The following ERC1 variants were observed in gnomAD, a reference collection of about 807,000 sequenced individuals.
ERC1 encodes the protein ELKS/RAB6-interacting/CAST family member 1.
ERC1 carries 56 observed loss-of-function variants against 132.0 expected under a neutral mutation model. The observed-to-expected ratio is 0.42, with a 90% CI of 0.34 to 0.53. ERC1 has a LOEUF of 0.53. ERC1 is among the 20% of genes least tolerant of loss of function. The pLI is 0.03. For missense variants in ERC1, 1,202 were observed against 1,349.9 expected, an observed-to-expected ratio of 0.89 and a Z score of 1.72; for synonymous variants, 478 against 476.1, an observed-to-expected ratio of 1.00 and a Z score of -0.05.
At chr12:1,265,675 A>G (rs1207566127) in intron 14 of ERC1, among the ~76,000 whole-genome samples, 1 of 152,194 alleles carries the variant, frequency 6.6e-6, no homozygotes, top group Admixed American at 6.5e-5. Context: ...TTACAGTATT[A>G]TACAGAGTAG....
At chr12:1,173,826 G>A (rs1953361155) in intron 8 of ERC1, among the ~76,000 whole-genome samples, 13 of 152,254 alleles carry the variant, frequency 8.5e-5, no homozygotes, top group Admixed American at 8.5e-4. Flanking sequence ...CACAACGAAA[G>A]TGAGGATATG....
intron 12 of ERC1, chr12:1,190,301 T>C: frequency 1.8e-6 from 1 of 566,398 alleles, no homozygotes; most frequent in Non-Finnish European, 3.3e-6. Flanking sequence ...AAAAAGAGAG[T>C]ATTCATTAAT....
In ERC1 at chr12:1,226,375, A is replaced by C. The variant is rs186947787; in HGVS notation, c.2352-10394A>C. Among the ~76,000 whole-genome samples, 1,050 of 152,376 alleles carry C rather than the reference A, an allele frequency of 6.9e-3. 2 individuals carry two copies. Among genetic ancestry groups the C allele is most frequent in the Non-Finnish European group, 0.011 (750 of 68,038 alleles). On this transcript the variant is annotated intron_variant, in intron 12 of 18. Coordinates refer to ENST00000360905, the MANE Select transcript of ERC1 (RefSeq NM_178040.4). ...TACATTGTGAAGGATTAGCACAATCAAGCTAATTAACACCTTTATCACCTC... is the reference window on the plus strand; with the variant it reads ...TACATTGTGAAGGATTAGCACAATCCAGCTAATTAACACCTTTATCACCTC...
Position 1,490,729 on chromosome 12 carries a change from AG to A in ERC1, c.*505del, listed in dbSNP as rs981326709. 2.0e-5 allele frequency: 4 copies of A among 196,286 alleles called. No homozygotes were observed. Among genetic ancestry groups the A allele is most frequent in the Non-Finnish European group, 4.2e-5 (4 of 95,542 alleles). The allele number at this position is 196,286 out of a possible 1,614,324, so 12.2% of individuals were successfully genotyped here. A position where few individuals can be genotyped will look rare whatever the true frequency, so the allele number is the denominator to read the frequency against. On this transcript the variant is annotated 3_prime_UTR_variant, in exon 19 of 19. Coordinates refer to ENST00000360905, the MANE Select transcript of ERC1 (RefSeq NM_178040.4). The stretch of plus-strand genomic sequence containing the variant: ...ATCTCAAAAAGATTAGAAAAAGAGA[AG>A]GGGGGAAGGGAAGAGAAAATCGACT...
chr12:1,418,992 G>T lies in ERC1; in HGVS notation c.3024+10745G>T, dbSNP rs995959925. Among the ~76,000 whole-genome samples, 3 of 151,938 alleles carry T rather than the reference G, an allele frequency of 2.0e-5. No individual in the cohort carries two copies. The South Asian group carries it at 6.2e-4, about 32-fold the overall frequency. The stretch of plus-strand genomic sequence containing the variant: ...GCCTCCCAAAGTTCTGTGATTACAG[G>T]CCTGAGCCACAGAGACCGGCTGAGG... On this transcript the variant is annotated intron_variant, in intron 17 of 18. Coordinates refer to ENST00000360905, the MANE Select transcript of ERC1 (RefSeq NM_178040.4).
At chr12:1,163,332 C>T (rs945858322) in intron 8 of ERC1, among the ~76,000 whole-genome samples, 4 of 152,124 alleles carry the variant, frequency 2.6e-5, no homozygotes, top group African/African-American at 9.7e-5. Flanking sequence ...CCTTCCACTT[C>T]CAGAACACTC....
intron 12 of ERC1, among the ~76,000 whole-genome samples, chr12:1,222,294 A>T (rs1187785834): frequency 6.7e-6 from 1 of 150,330 alleles, no homozygotes; most frequent in Non-Finnish European, 1.5e-5. Context: ...CAGTGGCGCG[A>T]TCTTGGCTCA....
intron 15 of ERC1, among the ~76,000 whole-genome samples, chr12:1,360,906 C>T (rs1052283128): frequency 1.3e-5 from 2 of 151,856 alleles, no homozygotes; most frequent in Non-Finnish European, 2.9e-5. Flanking sequence ...GTGAAACCCC[C>T]TCTCTAATAA....
chr12:1,493,548 A>AAAATATATGTATATATATAT lies in ERC1; in HGVS notation c.*3319_*3320insAATATATGTATATATATATA, dbSNP rs56939346. 1 of 13,618 alleles carries AAAATATATGTATATATATAT rather than the reference A, an allele frequency of 7.3e-5. No individual in the cohort carries two copies. Among genetic ancestry groups the AAAATATATGTATATATATAT allele is most frequent in the Non-Finnish European group, 1.5e-4 (1 of 6,820 alleles). 0.8% of individuals were successfully genotyped at this position (13,618 alleles called of 1,614,324 possible). ...ACTCCATTTAAAAAAAAAAAAAAAAAATATATATATATATATATATATATA... is the reference window on the plus strand; with the variant it reads ...ACTCCATTTAAAAAAAAAAAAAAAAAAAATATATGTATATATATATATATATATATATATATATATATATA... On this transcript the variant is annotated 3_prime_UTR_variant, in exon 19 of 19. Coordinates refer to ENST00000360905, the MANE Select transcript of ERC1 (RefSeq NM_178040.4).
chr12:1,290,304 C>T lies in ERC1; in HGVS notation c.2780+292C>T, dbSNP rs7315911. On this transcript the variant is annotated intron_variant, in intron 15 of 18. Transcript: ENST00000360905. ...CTTCTGGAAAGTTCAGGCAAAATGG[C>T]GAGCTTACTGGGGAAGAGGGCTGTT... is the stretch of plus-strand genomic sequence containing the variant. Among the ~76,000 whole-genome samples, 1,979 of 152,202 alleles carry T rather than the reference C, an allele frequency of 0.013. 43 individuals are homozygous for T. The highest frequency in any genetic ancestry group is 0.045 in the African/African-American group (1,871 of 41,514).
chr12:1,138,216 TAA>T (rs1949523918), intron 7 of ERC1, among the ~76,000 whole-genome samples: 1 of 125,536 alleles, frequency 8.0e-6, no homozygotes, highest in South Asian at 2.2e-4. Context: ...ATATATTATA[TAA>T]TATATATCAT....
intron 1 of ERC1, among the ~76,000 whole-genome samples, chr12:1,024,909 AAC>A (rs960979113): frequency 3.3e-5 from 5 of 152,154 alleles, no homozygotes; most frequent in Middle Eastern, 3.4e-3. Context: ...ACAAATAAAA[AAC>A]ACAATAAGTA....
intron 18 of ERC1, among the ~76,000 whole-genome samples, chr12:1,478,694 C>T (rs558777488): frequency 2.0e-4 from 31 of 152,042 alleles, no homozygotes; most frequent in African/African-American, 7.0e-4. Context: ...TTGGCTGAGG[C>T]AGGAGGATGG....
chr12:1,462,840 C>T (rs1466291076), intron 18 of ERC1, among the ~76,000 whole-genome samples: 1 of 152,204 alleles, frequency 6.6e-6, no homozygotes, highest in African/African-American at 2.4e-5. Flanking sequence ...AATACTCCGC[C>T]TCCAGTCTCC....
intron 9 of ERC1, 81 bp downstream of exon 9, chr12:1,180,758 T>G (rs1461623555): frequency 2.0e-6 from 3 of 1,533,908 alleles, no homozygotes; most frequent in Non-Finnish European, 2.7e-6. Flanking sequence ...ACAAAAGAAA[T>G]CCCTGTGGGC....
chr12:1,084,673 T>TG (rs1357275280), intron 3 of ERC1, among the ~76,000 whole-genome samples: 1 of 151,618 alleles, frequency 6.6e-6, no homozygotes, highest in East Asian at 1.9e-4. Context: ...TCCAGTCATT[T>TG]TTTTTTTATT....
At chr12:1,203,662 G>A (rs1356639166) in intron 12 of ERC1, among the ~76,000 whole-genome samples, 1 of 152,216 alleles carries the variant, frequency 6.6e-6, no homozygotes, top group African/African-American at 2.4e-5. Flanking sequence ...GATGATACTG[G>A]TCGTTAGAAG....
chr12:1,308,414 A>G (rs993629137), intron 15 of ERC1, among the ~76,000 whole-genome samples: 1 of 152,208 alleles, frequency 6.6e-6, no homozygotes, highest in African/African-American at 2.4e-5. Flanking sequence ...GCATGCATAA[A>G]TTGAAAGAAT....
At chr12:1,418,865 A>G (rs920710439) in intron 17 of ERC1, among the ~76,000 whole-genome samples, 21 of 151,714 alleles carry the variant, frequency 1.4e-4, no homozygotes, top group Non-Finnish European at 5.9e-5. Flanking sequence ...CGCGTGTACC[A>G]CCATGCCCTG....
Sources: gnomAD v4.1 joint callset for allele counts (sites outside exome capture counted in the v4.1 genomes callset) on GRCh38, gnomAD v4.1.1 for gene constraint, MANE v1.5 for transcripts, NCBI Gene and HGNC (gene_info 2026-07-23, HGNC 2026-07-21) for gene names.